The following RIF1 variants were observed in gnomAD, a reference collection of about 807,000 sequenced individuals.
RIF1 encodes the protein telomere-associated protein RIF1.
Under a neutral mutation model 247.1 loss-of-function variants are expected in RIF1, and 45 were observed. The ratio of observed to expected loss-of-function variants is 0.18; its 90% CI spans 0.14 to 0.23. The LOEUF is 0.23. Among genes scored for constraint, RIF1 ranks in the 10% least tolerant of loss-of-function variants. The probability of loss-of-function intolerance (pLI) is 1.00; values close to 1 mark genes in which losing one functional copy is unlikely to be tolerated. For missense variants in RIF1, 2,967 were observed against 2,862.5 expected, an observed-to-expected ratio of 1.04 and a Z score of -0.83; for synonymous variants, 1,087 against 978.8, an observed-to-expected ratio of 1.11 and a Z score of -2.06.
the RIF1 span, among the ~76,000 whole-genome samples, chr2:151,528,751 G>T: frequency 1.3e-5 from 2 of 152,210 alleles, no homozygotes; most frequent in Non-Finnish European, 1.5e-5. Context: ...CCCAAGAAGA[G>T]AGTCAACGCA....
intron 7 of RIF1, 119 bp downstream of exon 7, chr2:151,420,498 G>A (rs1348749008): frequency 3.4e-6 from 3 of 894,846 alleles, no homozygotes; most frequent in South Asian, 1.7e-5. Flanking sequence ...CAAAGCGGGA[G>A]GCTGAGGTGG....
intron 24 of RIF1, among the ~76,000 whole-genome samples, chr2:151,458,477 G>A (rs562396927): frequency 4.6e-5 from 7 of 151,828 alleles, no homozygotes; most frequent in East Asian, 3.9e-4. Flanking sequence ...CGTTATCTGC[G>A]TGCCTCAGCC....
At chr2:151,508,592 C>T (rs77239448), downstream of RIF1, among the ~76,000 whole-genome samples, 2,252 of 152,324 alleles carry the variant, frequency 0.015, 78 homozygotes, top group East Asian at 0.14. Flanking sequence ...TGAGCAGGTG[C>T]GGTCAGGGCT....
At position 151,499,694 on chromosome 2, in the gene RIF1, A is replaced by G. The variant is rs3213816; in HGVS notation, c.*709+154A>G. ...AAGACCACTAAAATACTCAGTGTAC[A>G]ATAGAAAAATTGCTTAAGTTAGATT... On this transcript the variant is annotated intron_variant and NMD_transcript_variant, in intron 11 of 13. Coordinates refer to the RIF1 transcript ENST00000454583. 2.0e-5 allele frequency among the ~76,000 whole-genome samples: 3 copies of G among 152,394 alleles called. No homozygotes were observed. The East Asian group carries it at 5.8e-4, about 29-fold the overall frequency.
chr2:151,498,233 A>G (rs2061677921), intron 10 of RIF1: 2 of 1,550,762 alleles, frequency 1.3e-6, no homozygotes, highest in South Asian at 1.2e-5. Flanking sequence ...GTTAAGTGGC[A>G]TTTTTTCCCC....
At chr2:151,426,228 G>A (rs1377677680) in intron 8 of RIF1, among the ~76,000 whole-genome samples, 1 of 131,732 alleles carries the variant, frequency 7.6e-6, no homozygotes, top group Non-Finnish European at 1.6e-5. Flanking sequence ...AGGCTGGAGT[G>A]CAGTGGCGTG....
chr2:151,457,989 CAACT>C (rs746140963), intron 24 of RIF1, 26 bp downstream of exon 24: 60 of 1,487,376 alleles, frequency 4.0e-5, no homozygotes, highest in African/African-American at 1.5e-4. Flanking sequence ...AACTTATATA[CAACT>C]AACTATTCTG....
In RIF1 at chr2:151,503,002, TAGTA is replaced by T. The variant is rs372739191; in HGVS notation, c.*710-29_*710-26del. 270 of 644,952 alleles carry T rather than the reference TAGTA, an allele frequency of 4.2e-4. 1 individual carries two copies. The African/African-American group carries it at 4.7e-3, about 11-fold the overall frequency. The allele number at this position is 644,952 out of a possible 1,614,324, so 40.0% of individuals were successfully genotyped here. On this transcript the variant is annotated intron_variant and NMD_transcript_variant, in intron 11 of 13. Transcript: ENST00000454583. The stretch of plus-strand genomic sequence containing the variant: ...AGGCAGTTTTTTAGTAAGTAATATT[TAGTA>T]AGGATAATGTTTTTACTTTTTTCAC...
chr2:151,490,271 A>G (rs893954118), intron 9 of RIF1: 22 of 1,434,214 alleles, frequency 1.5e-5, no homozygotes, highest in Non-Finnish European at 1.9e-5. Flanking sequence ...GGAAAGGATG[A>G]AAAATTTTTA....
rs1484339423 is a variant in RIF1, at chr2:151,465,183, C to A, written c.5663C>A (p.Pro1888Gln). ...AAAGAAGAAAAACCAGAAGAAACCCCAAAAATGGAACTGAGTCTAGAGAAT... is the reference window on the plus strand; with the variant it reads ...AAAGAAGAAAAACCAGAAGAAACCCAAAAAATGGAACTGAGTCTAGAGAAT... ...ETKEEKPEET[P>Q]KMELSLENVT... The change falls in exon 30 of 36, where the codon CCA becomes CAA. Residue 1888 changes from proline (P) to glutamine (Q), a missense_variant. Coordinates refer to ENST00000444746, the MANE Select transcript of RIF1 (RefSeq NM_018151.5). 2 of 1,612,884 alleles carry A rather than the reference C, an allele frequency of 1.2e-6. No individual in the cohort carries two copies. Among genetic ancestry groups the A allele is most frequent in the Admixed American group, 3.3e-5 (2 of 59,762 alleles).
intron 10 of RIF1, among the ~76,000 whole-genome samples, chr2:151,496,763 A>C (rs1250162346): frequency 6.6e-6 from 1 of 152,068 alleles, no homozygotes; most frequent in Non-Finnish European, 1.5e-5. Flanking sequence ...ATCAAAATTA[A>C]CTGTATTATG....
chr2:151,480,735 CTA>C lies in RIF1; in HGVS notation c.*5666_*5667del, dbSNP rs1454711119. ...ATAGTCTAACAATTATTTTGATACA[CTA>C]TTGAATAGCTAACAAGTGTCTAAAG... On this transcript the variant is annotated 3_prime_UTR_variant, in exon 36 of 36. Transcript: ENST00000444746. 2.6e-5 allele frequency: 4 copies of C among 152,214 alleles called. No individual in the cohort carries two copies. The highest frequency in any genetic ancestry group is 5.9e-5 in the Non-Finnish European group (4 of 67,992). The allele number at this position is 152,214 out of a possible 1,614,324, so 9.4% of individuals were successfully genotyped here. A position where few individuals can be genotyped will look rare whatever the true frequency, so the allele number is the denominator to read the frequency against.
downstream of RIF1, chr2:151,486,162 A>G (rs955912305): frequency 1.3e-5 from 6 of 462,864 alleles, no homozygotes; most frequent in African/African-American, 3.9e-5. Flanking sequence ...CTACAACTCA[A>G]TGCCTTCCCC....
chr2:151,498,657 A>G (rs539319198), intron 10 of RIF1, among the ~76,000 whole-genome samples: 1 of 152,324 alleles, frequency 6.6e-6, no homozygotes, highest in African/African-American at 2.4e-5. Context: ...CCTTGTTACA[A>G]GGAGGGAAAA....
intron 9 of RIF1, chr2:151,489,842 G>A (rs1574499529): frequency 3.6e-6 from 2 of 551,938 alleles, no homozygotes; most frequent in South Asian, 3.4e-5. Flanking sequence ...TATGAAACAT[G>A]TAATAAAAGA....
chr2:151,518,887 A>T, the RIF1 span: 7 of 873,062 alleles, frequency 8.0e-6, no homozygotes, highest in Non-Finnish European at 1.3e-5. Flanking sequence ...GCAGAGAAGA[A>T]GATGCATCTG....
rs1042189022 is a variant in RIF1, at chr2:151,490,178, A to C, written c.*416-5051A>C. The C allele has an allele frequency of 3.9e-5, 47 of 1,193,056 alleles. 2 individuals are homozygous for C. The highest frequency in any genetic ancestry group is 3.1e-5 in the Non-Finnish European group (26 of 838,848). 73.9% of individuals were successfully genotyped at this position (1,193,056 alleles called of 1,614,324 possible). Reference sequence around the variant, plus strand: ...TGATGTCTTTTTCCCCCAACTTAGAATGATTTCCAAAAAGAGAAATCAAAG... The same window carrying C: ...TGATGTCTTTTTCCCCCAACTTAGACTGATTTCCAAAAAGAGAAATCAAAG... On this transcript the variant is annotated intron_variant and NMD_transcript_variant, in intron 9 of 13. Coordinates refer to the RIF1 transcript ENST00000454583.
At chr2:151,410,730 G>A (rs1686018261) in intron 2 of RIF1, among the ~76,000 whole-genome samples, 1 of 152,154 alleles carries the variant, frequency 6.6e-6, no homozygotes, top group Non-Finnish European at 1.5e-5. Flanking sequence ...CGCTTGAGGT[G>A]TGTGTTTGGA....
intron 11 of RIF1, chr2:151,502,763 T>A (rs771887193): frequency 4.4e-6 from 1 of 225,968 alleles, no homozygotes; most frequent in Non-Finnish European, 7.6e-6. Flanking sequence ...AATTAAGGGA[T>A]TTTTTTTTTT....
Sources: gnomAD v4.1 joint callset for allele counts (sites outside exome capture counted in the v4.1 genomes callset) on GRCh38, gnomAD v4.1.1 for gene constraint, MANE v1.5 for transcripts, NCBI Gene and HGNC (gene_info 2026-07-23, HGNC 2026-07-21) for gene names.